SCTR: variants seen among roughly 807,000 people sequenced by gnomAD.
SCTR encodes secretin receptor.
Under a neutral mutation model 60.8 loss-of-function variants are expected in SCTR, and 56 were observed. That is an observed-to-expected ratio of 0.92 (90% CI 0.74 to 1.15). The LOEUF is 1.15. SCTR is among the 50% of genes most tolerant of loss of function. The pLI, the probability that SCTR is intolerant of heterozygous loss-of-function variation, is 0.00. For synonymous variants in SCTR, 202 were observed against 217.0 expected, an observed-to-expected ratio of 0.93 and a Z score of 0.61; for missense variants, 562 against 550.4, an observed-to-expected ratio of 1.02 and a Z score of -0.21.
intron 1 of SCTR, among the ~76,000 whole-genome samples, chr2:119,521,853 G>A (rs1048120896): frequency 6.6e-6 from 1 of 151,996 alleles, no homozygotes; most frequent in East Asian, 1.9e-4. Flanking sequence ...AACCAAAGTA[G>A]GTCAGTTCCA....
chr2:119,505,971 A>G (rs918767774), intron 1 of SCTR, among the ~76,000 whole-genome samples: 1 of 152,230 alleles, frequency 6.6e-6, no homozygotes, highest in Non-Finnish European at 1.5e-5. Flanking sequence ...GTATCACTCC[A>G]TATCTATCAG....
chr2:119,497,058 C>A (rs989455009), intron 1 of SCTR, among the ~76,000 whole-genome samples: 3 of 152,176 alleles, frequency 2.0e-5, no homozygotes, highest in Admixed American at 2.0e-4. Flanking sequence ...AGACTACTAC[C>A]CTAGTTCAGA....
intron 1 of SCTR, among the ~76,000 whole-genome samples, chr2:119,507,247 G>A (rs574361370): frequency 1.3e-5 from 2 of 152,276 alleles, no homozygotes; most frequent in South Asian, 4.1e-4. Context: ...GTAATACCGT[G>A]ATGTTAAACA....
At chr2:119,516,981 A>G (rs1230706659) in intron 1 of SCTR, among the ~76,000 whole-genome samples, 1 of 152,154 alleles carries the variant, frequency 6.6e-6, no homozygotes, top group African/African-American at 2.4e-5. Flanking sequence ...AAGTAATAAC[A>G]ATAATAATAA....
chr2:119,485,595 C>G (rs985368446), intron 2 of SCTR, among the ~76,000 whole-genome samples: 2 of 152,220 alleles, frequency 1.3e-5, no homozygotes, highest in Non-Finnish European at 2.9e-5. Context: ...GGGCCAGGAA[C>G]AGCCCGGCCC....
intron 1 of SCTR, among the ~76,000 whole-genome samples, chr2:119,502,305 G>T (rs1267179133): frequency 2.0e-5 from 3 of 152,016 alleles, no homozygotes; most frequent in Non-Finnish European, 4.4e-5. Flanking sequence ...GAGATGCTTA[G>T]GCATAAATCC....
At chr2:119,494,654 G>A in intron 1 of SCTR, 106 bp from the exon 2 acceptor site, 2 of 1,221,278 alleles carry the variant, frequency 1.6e-6, no homozygotes, top group Non-Finnish European at 2.3e-6. Flanking sequence ...TTCAAGTAAA[G>A]CAAAGCCCTT....
intron 10 of SCTR, 127 bp from the exon 11 acceptor site, chr2:119,447,012 CTT>C: frequency 2.0e-6 from 2 of 1,012,640 alleles, no homozygotes; most frequent in Non-Finnish European, 2.6e-6. Context: ...GTACCCCAAA[CTT>C]TTTTGTTTTC....
intron 7 of SCTR, among the ~76,000 whole-genome samples, chr2:119,454,977 C>T (rs1004202556): frequency 4.6e-5 from 7 of 152,144 alleles, no homozygotes; most frequent in African/African-American, 1.4e-4. Context: ...CTGCCTGTTT[C>T]ATTTTACTGT....
At chr2:119,495,964 T>A (rs1363323237) in intron 1 of SCTR, among the ~76,000 whole-genome samples, 1 of 152,262 alleles carries the variant, frequency 6.6e-6, no homozygotes, top group African/African-American at 2.4e-5. Flanking sequence ...ATCATGTTGT[T>A]TGTCATTTAG....
At chr2:119,502,319 A>C (rs923708646) in intron 1 of SCTR, among the ~76,000 whole-genome samples, 2 of 152,222 alleles carry the variant, frequency 1.3e-5, no homozygotes, top group Non-Finnish European at 2.9e-5. Context: ...TAAATCCAGC[A>C]AAACATGTGC....
chr2:119,473,210 A>G (rs1223995250), intron 4 of SCTR, among the ~76,000 whole-genome samples: 3 of 152,160 alleles, frequency 2.0e-5, no homozygotes, highest in Non-Finnish European at 2.9e-5. Flanking sequence ...GGTATGCGAC[A>G]GTTCCTACCT....
At chr2:119,516,500 G>A (rs1413158394) in intron 1 of SCTR, among the ~76,000 whole-genome samples, 1 of 151,548 alleles carries the variant, frequency 6.6e-6, no homozygotes, top group Non-Finnish European at 1.5e-5. Flanking sequence ...CTTATATGTG[G>A]AATATTACAA....
chr2:119,473,415 T>C (rs774026495), intron 4 of SCTR, 38 bp downstream of exon 4: 5 of 1,434,312 alleles, frequency 3.5e-6, no homozygotes, highest in Admixed American at 3.4e-5. Flanking sequence ...TATAGGTTCC[T>C]GTCCCCGGGT....
intron 3 of SCTR, among the ~76,000 whole-genome samples, chr2:119,473,770 A>C (rs1450762487): frequency 6.6e-6 from 1 of 152,114 alleles, no homozygotes; most frequent in Non-Finnish European, 1.5e-5. Context: ...CAAGCTCTTA[A>C]GCACACACCA....
intron 2 of SCTR, chr2:119,479,925 A>C (rs985881794): frequency 4.6e-5 from 7 of 152,226 alleles, no homozygotes; most frequent in Non-Finnish European, 2.9e-5. Context: ...TTTCAATGCA[A>C]AACTAGGCAT....
At chr2:119,518,361 G>GAAATT (rs1385826559) in intron 1 of SCTR, among the ~76,000 whole-genome samples, 1 of 152,156 alleles carries the variant, frequency 6.6e-6, no homozygotes, top group African/African-American at 2.4e-5. Flanking sequence ...ATGAGAGGGA[G>GAAATT]GCGGGAGGTG....
At chr2:119,519,160 C>T (rs1679208011) in intron 1 of SCTR, among the ~76,000 whole-genome samples, 1 of 152,108 alleles carries the variant, frequency 6.6e-6, no homozygotes, top group South Asian at 2.1e-4. Context: ...GACAGGGTTT[C>T]TCCATGTTGG....
At chr2:119,494,579 T>C (rs1678276161) in intron 1 of SCTR, 31 bp from the exon 2 acceptor site, 3 of 1,611,726 alleles carry the variant, frequency 1.9e-6, no homozygotes, top group Non-Finnish European at 2.5e-6. Flanking sequence ...ATGCTCATCA[T>C]TGCCACTAAC....
Sources: allele counts gnomAD v4.1 joint callset (sites outside exome capture counted in the v4.1 genomes callset), GRCh38; gene constraint gnomAD v4.1.1; transcripts MANE v1.5; gene names NCBI Gene and HGNC (gene_info 2026-07-23, HGNC 2026-07-21).